The following PID1 variants were observed in gnomAD, a reference collection of about 807,000 sequenced individuals.
PID1 encodes PTB-containing, cubilin and LRP1-interacting protein.
A neutral mutation model predicts 19.1 loss-of-function variants in PID1; 10 were observed. The ratio of observed to expected loss-of-function variants is 0.52; its 90% CI spans 0.32 to 0.89. The LOEUF (loss-of-function observed/expected upper bound fraction) is 0.89, where lower values mean the gene tolerates loss of function less well. Among genes scored for constraint, PID1 ranks in the 40% least tolerant of loss-of-function variants. The probability of loss-of-function intolerance (pLI) is 0.03; values close to 1 mark genes in which losing one functional copy is unlikely to be tolerated. For synonymous variants in PID1, 130 were observed against 116.0 expected (o/e 1.12, Z -0.78); for missense variants, 248 against 285.3 (o/e 0.87, Z 0.94).
intron 2 of PID1, among the ~76,000 whole-genome samples, chr2:229,104,549 C>T (rs994890814): frequency 6.6e-5 from 10 of 152,100 alleles, no homozygotes; most frequent in South Asian, 2.1e-4. Context: ...TATCTTTTGC[C>T]GTCTCTTCTG....
At chr2:229,034,520 G>C (rs1327127001) in intron 2 of PID1, among the ~76,000 whole-genome samples, 1 of 152,078 alleles carries the variant, frequency 6.6e-6, no homozygotes, top group African/African-American at 2.4e-5. Context: ...CCTTCTCAAG[G>C]CTGGTCCCTT....
At chr2:229,105,885 C>T (rs1214667939) in intron 2 of PID1, among the ~76,000 whole-genome samples, 1 of 152,142 alleles carries the variant, frequency 6.6e-6, no homozygotes, top group Non-Finnish European at 1.5e-5. Flanking sequence ...CGAGACCATC[C>T]TGGCTAACAC....
chr2:229,177,989 C>A (rs756850236), intron 1 of PID1, among the ~76,000 whole-genome samples: 25 of 152,188 alleles, frequency 1.6e-4, no homozygotes, highest in Non-Finnish European at 3.4e-4. Context: ...TCCCCACCGA[C>A]AAACCTTCCC....
rs148987500 is a variant in PID1, at chr2:229,080,267, C to T, written c.178-54159G>A. Among the ~76,000 whole-genome samples, 94 of 152,290 alleles carry T rather than the reference C, an allele frequency of 6.2e-4. 2 individuals carry two copies. The East Asian group carries it at 0.015, about 25-fold the overall frequency. On this transcript the variant is annotated intron_variant, in intron 2 of 2. Coordinates refer to ENST00000392055, the MANE Select transcript of PID1 (RefSeq NM_001100818.2). ...TGGACAAAGTTCAAGGCACTTGAGG[C>T]TTTCTGTAATCTGGCTTCTACCTAC...
intron 1 of PID1, among the ~76,000 whole-genome samples, chr2:229,267,336 A>G (rs1174319838): frequency 6.6e-6 from 1 of 152,258 alleles, no homozygotes; most frequent in Non-Finnish European, 1.5e-5. Context: ...CCCAGGCTGC[A>G]AAACTCAAAT....
intron 1 of PID1, among the ~76,000 whole-genome samples, chr2:229,205,600 A>ATATTC (rs1272328398): frequency 1.3e-5 from 2 of 152,096 alleles, no homozygotes; most frequent in Non-Finnish European, 2.9e-5. Context: ...CCCTAAAAAG[A>ATATTC]TATTCTTTCT....
intron 1 of PID1, among the ~76,000 whole-genome samples, chr2:229,211,718 T>A (rs1419939): frequency 0.44 from 67,124 of 152,100 alleles, 16,121 homozygotes; most frequent in East Asian, 0.76. Flanking sequence ...TCCTTCCCAC[T>A]ATTGCCAGAC....
At chr2:229,262,636 T>C (rs1559307813) in intron 1 of PID1, 3 of 1,542,382 alleles carry the variant, frequency 1.9e-6, no homozygotes, top group East Asian at 4.9e-5. Context: ...TTGTAACAAA[T>C]AACCATAAAC....
intron 1 of PID1, among the ~76,000 whole-genome samples, chr2:229,166,179 TAAAAC>T (rs2106205411): frequency 6.6e-6 from 1 of 152,258 alleles, no homozygotes; most frequent in South Asian, 2.1e-4. Context: ...ACATAAATTA[TAAAAC>T]AATTATCCTG....
intron 2 of PID1, among the ~76,000 whole-genome samples, chr2:229,026,971 T>C (rs1005570339): frequency 6.6e-6 from 1 of 152,192 alleles, no homozygotes; most frequent in African/African-American, 2.4e-5. Flanking sequence ...TATTGGGGCA[T>C]AGGCATTATG....
chr2:229,072,419 T>A (rs1447945476), intron 2 of PID1, among the ~76,000 whole-genome samples: 2 of 152,062 alleles, frequency 1.3e-5, no homozygotes, highest in Non-Finnish European at 1.5e-5. Flanking sequence ...AAACCCTGTC[T>A]CTACTAAAAG....
At chr2:229,207,775 C>T (rs1040900545) in intron 1 of PID1, among the ~76,000 whole-genome samples, 4 of 152,070 alleles carry the variant, frequency 2.6e-5, no homozygotes, top group African/African-American at 9.7e-5. Flanking sequence ...ATTGAAACCA[C>T]TGCCTTCACC....
intron 2 of PID1, among the ~76,000 whole-genome samples, chr2:229,032,466 T>A (rs558408546): frequency 6.6e-6 from 1 of 152,334 alleles, no homozygotes; most frequent in East Asian, 1.9e-4. Context: ...ATAGGCCCTG[T>A]CTTTAAGAGT....
At chr2:229,249,698 G>A (rs555598870) in intron 1 of PID1, among the ~76,000 whole-genome samples, 1 of 152,304 alleles carries the variant, frequency 6.6e-6, no homozygotes, top group South Asian at 2.1e-4. Flanking sequence ...ATGACTCATT[G>A]CAACTGGATA....
chr2:229,133,366 G>T (rs1213693376), intron 2 of PID1, among the ~76,000 whole-genome samples: 1 of 152,204 alleles, frequency 6.6e-6, no homozygotes, highest in Non-Finnish European at 1.5e-5. Flanking sequence ...TATTCCCTCA[G>T]CCAGAACTCT....
intron 1 of PID1, among the ~76,000 whole-genome samples, chr2:229,261,342 A>G (rs1690457544): frequency 6.6e-6 from 1 of 152,212 alleles, no homozygotes; most frequent in Non-Finnish European, 1.5e-5. Context: ...TATGTCCAAA[A>G]GCAAAATAGC....
At chr2:229,069,753 G>A (rs745989356) in intron 2 of PID1, among the ~76,000 whole-genome samples, 11 of 152,146 alleles carry the variant, frequency 7.2e-5, no homozygotes, top group Non-Finnish European at 1.2e-4. Context: ...TCATCCAATC[G>A]CCTGTATTAC....
chr2:229,125,746 T>C (rs1860764), intron 2 of PID1, among the ~76,000 whole-genome samples: 10,772 of 152,262 alleles, frequency 0.071, 542 homozygotes, highest in South Asian at 0.22. Flanking sequence ...ATATGGAACA[T>C]TGCATGTTTT....
chr2:229,246,030 A>G (rs962957531), intron 1 of PID1, among the ~76,000 whole-genome samples: 3 of 152,216 alleles, frequency 2.0e-5, no homozygotes, highest in Non-Finnish European at 4.4e-5. Context: ...ACCTGAACAA[A>G]TAAGAGTTAT....
Sources: gnomAD v4.1 joint callset for allele counts (sites outside exome capture counted in the v4.1 genomes callset) on GRCh38, gnomAD v4.1.1 for gene constraint, MANE v1.5 for transcripts, NCBI Gene and HGNC (gene_info 2026-07-23, HGNC 2026-07-21) for gene names.